Variants in ZNF407 observed in about 807,000 individuals in gnomAD.
The protein encoded by ZNF407 is zinc finger protein 407.
ZNF407 carries 17 observed loss-of-function variants against 131.2 expected under a neutral mutation model. The observed-to-expected ratio is 0.13, with a 90% CI of 0.09 to 0.19. The LOEUF (loss-of-function observed/expected upper bound fraction) is 0.19. Among genes scored for constraint, ZNF407 ranks in the 10% least tolerant of loss-of-function variants. The pLI, the probability that ZNF407 is intolerant of heterozygous loss-of-function variation, is 1.00. For missense variants in ZNF407, 2,681 were observed against 2,830.6 expected (o/e 0.95, Z 1.20); for synonymous variants, 1,156 against 1,062.0 (o/e 1.09, Z -1.72).
intron 4 of ZNF407, among the ~76,000 whole-genome samples, chr18:74,876,618 T>A (rs1971160220): frequency 6.6e-6 from 1 of 152,260 alleles, no homozygotes; most frequent in African/African-American, 2.4e-5. Flanking sequence ...AATACTGATT[T>A]TGTAAAAATG....
intron 3 of ZNF407, among the ~76,000 whole-genome samples, chr18:74,742,013 A>G (rs1968562274): frequency 6.6e-6 from 1 of 152,196 alleles, no homozygotes; most frequent in Admixed American, 6.5e-5. Context: ...AATTAGCAGA[A>G]AGCTTGAAGT....
chr18:74,850,683 A>G (rs1457922528), intron 4 of ZNF407, among the ~76,000 whole-genome samples: 1 of 152,200 alleles, frequency 6.6e-6, no homozygotes, highest in Admixed American at 6.5e-5. Context: ...CTCAAATACT[A>G]TTCTATTAGA....
At chr18:74,828,521 TAA>T (rs1970439625) in intron 4 of ZNF407, among the ~76,000 whole-genome samples, 1 of 151,910 alleles carries the variant, frequency 6.6e-6, no homozygotes, top group Non-Finnish European at 1.5e-5. Context: ...ACTGAATGAA[TAA>T]AGTTTTTAGA....
intron 3 of ZNF407, among the ~76,000 whole-genome samples, chr18:74,723,932 G>GT (rs1430990373): frequency 2.1e-5 from 3 of 142,822 alleles, no homozygotes; most frequent in Admixed American, 1.5e-4. Flanking sequence ...AGCTCTTCTG[G>GT]TGTGGGGCGG....
At chr18:74,954,716 G>A (rs58285994) in intron 8 of ZNF407, among the ~76,000 whole-genome samples, 8,469 of 152,118 alleles carry the variant, frequency 0.056, 779 homozygotes, top group African/African-American at 0.19. Flanking sequence ...GTATGAAACC[G>A]CAACACACAG....
intron 3 of ZNF407, among the ~76,000 whole-genome samples, chr18:74,751,086 A>G (rs972418766): frequency 1.3e-5 from 2 of 151,932 alleles, no homozygotes; most frequent in Admixed American, 6.6e-5. Context: ...TTTTTAATTT[A>G]TTGATTGTGT....
At chr18:75,016,692 T>C (rs1005858565) in intron 8 of ZNF407, among the ~76,000 whole-genome samples, 1 of 152,180 alleles carries the variant, frequency 6.6e-6, no homozygotes, top group African/African-American at 2.4e-5. Context: ...GTAATTTTAA[T>C]AGTGAACTTT....
At chr18:74,881,506 C>A (rs891749043) in intron 6 of ZNF407, among the ~76,000 whole-genome samples, 1 of 152,010 alleles carries the variant, frequency 6.6e-6, no homozygotes, top group African/African-American at 2.4e-5. Flanking sequence ...CTCTACCCAC[C>A]TCGTAGCTAA....
chr18:74,824,566 C>A (rs928055472), intron 4 of ZNF407, among the ~76,000 whole-genome samples: 1 of 152,144 alleles, frequency 6.6e-6, no homozygotes, highest in African/African-American at 2.4e-5. Flanking sequence ...AAACTACCAT[C>A]AGAGAATACT....
intron 3 of ZNF407, among the ~76,000 whole-genome samples, chr18:74,706,779 C>T (rs1478480313): frequency 6.6e-6 from 1 of 152,122 alleles, no homozygotes; most frequent in Non-Finnish European, 1.5e-5. Context: ...CCTATAGAGG[C>T]AGGTGAGAGC....
intron 7 of ZNF407, among the ~76,000 whole-genome samples, chr18:74,912,194 C>A (rs1421355189): frequency 6.6e-6 from 1 of 152,116 alleles, no homozygotes; most frequent in Non-Finnish European, 1.5e-5. Context: ...ATATTATTAA[C>A]ACATATTAAT....
At chr18:74,778,533 T>C (rs1300285436) in intron 3 of ZNF407, among the ~76,000 whole-genome samples, 2 of 152,244 alleles carry the variant, frequency 1.3e-5, no homozygotes, top group Non-Finnish European at 2.9e-5. Flanking sequence ...GGTTGTACAT[T>C]TTTTGAGGGC....
intron 8 of ZNF407, among the ~76,000 whole-genome samples, chr18:75,057,855 A>G (rs1345100076): frequency 6.6e-6 from 1 of 152,204 alleles, no homozygotes; most frequent in East Asian, 1.9e-4. Flanking sequence ...TTAGTCTGTA[A>G]TGACATTTTT....
At chr18:74,655,032 A>C (rs1046433054) in intron 3 of ZNF407, among the ~76,000 whole-genome samples, 4 of 152,014 alleles carry the variant, frequency 2.6e-5, no homozygotes, top group South Asian at 2.1e-4. Context: ...TCTTTGATCA[A>C]TGTCTGATAA....
chr18:74,760,616 C>T (rs1244899798), intron 3 of ZNF407, among the ~76,000 whole-genome samples: 1 of 152,122 alleles, frequency 6.6e-6, no homozygotes, highest in African/African-American at 2.4e-5. Context: ...GGGTTATTCA[C>T]ACACAGTGAG....
At chr18:74,810,475 C>T (rs1023545233) in intron 4 of ZNF407, among the ~76,000 whole-genome samples, 4 of 151,628 alleles carry the variant, frequency 2.6e-5, no homozygotes, top group Admixed American at 6.6e-5. Context: ...ATATCCTGTT[C>T]TTGGTCTTAA....
intron 3 of ZNF407, among the ~76,000 whole-genome samples, chr18:74,768,173 G>T (rs931897747): frequency 9.2e-5 from 14 of 152,088 alleles, no homozygotes; most frequent in African/African-American, 2.4e-4. Context: ...ACTAGTCTTG[G>T]AAGTAGAGCT....
At chr18:74,739,583 A>AT (rs986778172) in intron 3 of ZNF407, among the ~76,000 whole-genome samples, 5 of 150,896 alleles carry the variant, frequency 3.3e-5, no homozygotes, top group Non-Finnish European at 5.9e-5. Context: ...GCTTTGGACA[A>AT]TTTTTTTTTG....
In ZNF407 at chr18:74,634,667, C is replaced by T. The variant is rs1364311061; in HGVS notation, c.3648C>T (p.Asn1216=). Residue 1216 remains asparagine, a synonymous_variant, in exon 2 of 9, where the codon AAC becomes AAT. Transcript: ENST00000299687. The stretch of plus-strand genomic sequence containing the variant: ...TAAATTGTGAGACAGCAAAGAAAAA[C>T]CATGAGATATCGAATGATGCAGGTG... The part of the protein sequence containing the change: ...SALNCETAKK[N]HEISNDAGEL... 1.1e-5 allele frequency: 17 copies of T among 1,613,820 alleles called. No homozygotes were observed. The highest frequency in any genetic ancestry group is 2.7e-5 in the African/African-American group (2 of 74,914).
Sources: allele counts gnomAD v4.1 joint callset (sites outside exome capture counted in the v4.1 genomes callset), GRCh38; gene constraint gnomAD v4.1.1; transcripts MANE v1.5; gene names NCBI Gene and HGNC (gene_info 2026-07-23, HGNC 2026-07-21).